CROCC: variants seen among roughly 807,000 people sequenced by gnomAD.
CROCC encodes the protein ciliary rootlet coiled-coil, rootletin.
In CROCC, 180 loss-of-function variants were observed where a neutral mutation model predicts 245.2. That is an observed-to-expected ratio of 0.73 (90% CI 0.65 to 0.83). The LOEUF (loss-of-function observed/expected upper bound fraction) is 0.83. Ranked by LOEUF, CROCC falls within the 40% of genes least tolerant of loss-of-function variation. CROCC has a pLI of 0.00. For missense variants in CROCC, 2,688 were observed against 2,779.4 expected (o/e 0.97, Z 0.74); for synonymous variants, 1,205 against 1,241.6 (o/e 0.97, Z 0.62).
intron 20 of CROCC, chr1:16,951,844 G>A (rs2076165032): frequency 6.3e-6 from 1 of 158,148 alleles, no homozygotes; most frequent in Non-Finnish European, 1.4e-5. Context: ...GCCTTGGGTG[G>A]TTGTTACCAC....
chr1:16,963,625 G>A (rs1228716189), intron 27 of CROCC, among the ~76,000 whole-genome samples: 5 of 152,030 alleles, frequency 3.3e-5, no homozygotes, highest in Admixed American at 1.3e-4. Flanking sequence ...GGCAGGACCC[G>A]TGTCCTGCAG....
intron 1 of CROCC, among the ~76,000 whole-genome samples, chr1:16,916,440 T>C (rs1309041775): frequency 6.6e-6 from 1 of 152,264 alleles, no homozygotes; most frequent in Non-Finnish European, 1.5e-5. Flanking sequence ...GCTTATATAA[T>C]ACACATCGGC....
rs538550292 is a variant in CROCC at position 16,939,027 on chromosome 1, G to A, written c.1493G>A (p.Arg498His). Residue 498 changes from arginine (R) to histidine (H), a missense_variant, in exon 12 of 37, where the codon CGC becomes CAC. Arg to His is a conservative substitution (Grantham distance 29). Transcript: ENST00000375541. ...SGQRTPSPPR[R>H]SSPGRGRSPR... ...CAGCGGACCCCGTCCCCACCGCGGC[G>A]CTCCTCGCCCGGCCGAGGCCGTTCA... 208 of 1,597,618 alleles carry A rather than the reference G, an allele frequency of 1.3e-4. 1 individual carries two copies. In the South Asian group the frequency reaches 2.2e-3, roughly 17 times the overall value.
rs566600825 is a variant in CROCC, at chr1:16,946,827, C to A, written c.2350C>A (p.Arg784=). The A allele has an allele frequency of 2.6e-6, 4 of 1,553,542 alleles. No individual in the cohort carries two copies. The highest frequency in any genetic ancestry group is 8.7e-7 in the Non-Finnish European group (1 of 1,148,240). The part of the protein sequence containing the change: ...RQAEQEATVA[R]EEQERLEELR... ...GGCAGAGCAGGAGGCCACAGTGGCG[C>A]GGGAAGAGCAGGAACGGCTAGAGGA... Residue 784 remains arginine, a synonymous_variant, in exon 17 of 37, where the codon CGG becomes AGG. Transcript: ENST00000375541.
rs1216456773 is a variant in CROCC, at chr1:16,961,068, G to A, written c.4343G>A (p.Arg1448His). 2.2e-6 allele frequency: 3 copies of A among 1,343,242 alleles called. No homozygotes were observed. The highest frequency in any genetic ancestry group is 3.6e-5 in the Admixed American group (1 of 27,428). 83.2% of individuals were successfully genotyped at this position (1,343,242 alleles called of 1,614,324 possible). A position where few individuals can be genotyped will look rare whatever the true frequency, so the allele number is the denominator to read the frequency against. The part of the protein sequence containing the change: ...SALRRGLGLG[R>H]APSPAPRPVP... Reference sequence around the variant, plus strand: ...CTGCGCCGGGGCCTCGGCCTCGGTCGCGCGCCCAGCCCAGCCCCGCGGCCA... The same window carrying A: ...CTGCGCCGGGGCCTCGGCCTCGGTCACGCGCCCAGCCCAGCCCCGCGGCCA... Residue 1448 changes from arginine (R) to histidine (H), a missense_variant, in exon 27 of 37, where the codon CGC (arginine) becomes CAC (histidine). Arg to His is a conservative substitution (Grantham distance 29). Coordinates refer to ENST00000375541, the MANE Select transcript of CROCC (RefSeq NM_014675.5).
intron 3 of CROCC, among the ~76,000 whole-genome samples, chr1:16,927,201 A>C (rs1257516786): frequency 6.6e-6 from 1 of 152,270 alleles, no homozygotes; most frequent in African/African-American, 2.4e-5. Flanking sequence ...GAATATGCAC[A>C]GTGTTAGCCG....
At chr1:16,968,111 C>T in intron 30 of CROCC, 92 bp from the exon 31 acceptor site, 1 of 1,328,808 alleles carries the variant, frequency 7.5e-7, no homozygotes, top group Admixed American at 2.0e-5. Flanking sequence ...TTCGAGGCTG[C>T]TCCCCACTTT....
At chr1:16,937,934 G>A (rs1268702225) in intron 10 of CROCC, among the ~76,000 whole-genome samples, 197 bp downstream of exon 10, 1 of 152,274 alleles carries the variant, frequency 6.6e-6, no homozygotes, top group Non-Finnish European at 1.5e-5. Flanking sequence ...CAGCCCTGTA[G>A]CATAATCCTC....
Position 16,972,362 on chromosome 1 carries a change from G to T in CROCC, c.5970G>T (p.Val1990=). 6.2e-7 allele frequency: 1 copy of T among 1,613,912 alleles called. No individual in the cohort carries two copies. Among genetic ancestry groups the T allele is most frequent in the Non-Finnish European group, 8.5e-7 (1 of 1,179,850 alleles). The change falls in exon 37 of 37, where the codon GTG becomes GTT. Residue 1990 remains valine, a splice_region_variant and synonymous_variant. Coordinates refer to ENST00000375541, the MANE Select transcript of CROCC (RefSeq NM_014675.5). ...RQRVRGLEEQ[V]STLKGQLQQE... is the part of the protein sequence containing the mutation. ...CTTACCTTCCCTTTCTTCCCCAGGT[G>T]TCCACACTGAAGGGCCAGCTGCAGC... is the stretch of plus-strand genomic sequence containing the variant.
At position 16,946,939 on chromosome 1, in the gene CROCC, A is replaced by T. The variant is rs1401218079; in HGVS notation, c.2462A>T (p.Gln821Leu). Residue 821 changes from glutamine to leucine, a missense_variant, in exon 17 of 37, where the codon CAG becomes CTG. This residue lies in a region of CROCC where 295 missense variants were observed against 241.7 expected (regional missense o/e 1.22). Transcript: ENST00000375541. The part of the protein sequence containing the change: ...AEQAQEALEQ[Q>L]LPTLRHERSQ... ...CAGGCCCAGGAGGCATTGGAGCAGC[A>T]GCTCCCCACGCTGCGCCATGAGCGC... 3 of 1,561,436 alleles carry T rather than the reference A, an allele frequency of 1.9e-6. No homozygotes were observed. The highest frequency in any genetic ancestry group is 1.9e-5 in the Admixed American group (1 of 52,080).
In CROCC at chr1:16,944,210, G is replaced by T. The variant is rs373111310; in HGVS notation, c.1919G>T (p.Arg640Leu). The T allele has an allele frequency of 1.3e-6, 2 of 1,555,074 alleles. No homozygotes were observed. Among genetic ancestry groups the T allele is most frequent in the African/African-American group, 2.7e-5 (2 of 73,668 alleles). ...GCCCAGGAGGAGCTGCGGCGCCAGCGGGACCGGCTGGAGGAAGAGCAGGAG... is the reference window on the plus strand; with the variant it reads ...GCCCAGGAGGAGCTGCGGCGCCAGCTGGACCGGCTGGAGGAAGAGCAGGAG... The part of the protein sequence containing the change: ...QAAQEELRRQ[R>L]DRLEEEQEDA... The change falls in exon 14 of 37, where the codon CGG (arginine) becomes CTG (leucine). Residue 640 changes from arginine (R) to leucine (L), a missense_variant. Physicochemically the swap from Arg to Leu is moderately radical, Grantham distance 102. Coordinates refer to ENST00000375541, the MANE Select transcript of CROCC (RefSeq NM_014675.5).
At chr1:16,929,052 C>T (rs1484348528) in intron 3 of CROCC, among the ~76,000 whole-genome samples, 2 of 152,198 alleles carry the variant, frequency 1.3e-5, no homozygotes, top group Non-Finnish European at 2.9e-5. Flanking sequence ...GTCTTGAACC[C>T]CTGACTTCAA....
At chr1:16,934,860 C>G (rs11203442) in intron 8 of CROCC, among the ~76,000 whole-genome samples, 121 of 149,630 alleles carry the variant, frequency 8.1e-4, no homozygotes, top group African/African-American at 2.6e-3. Flanking sequence ...TTTTGGCCAC[C>G]AAGTTACCAT....
At chr1:16,969,976 G>C (rs766186279) in intron 33 of CROCC, 42 bp downstream of exon 33, 2 of 1,539,860 alleles carry the variant, frequency 1.3e-6, no homozygotes, top group Non-Finnish European at 1.7e-6. Flanking sequence ...AAGACTGTGA[G>C]GCCCTAGGAT....
Position 16,930,410 on chromosome 1 carries a change from T to A in CROCC, c.684-19T>A, listed in dbSNP as rs2075644620. 1 of 1,611,278 alleles carries A rather than the reference T, an allele frequency of 6.2e-7. No homozygotes were observed. The highest frequency in any genetic ancestry group is 1.1e-5 in the South Asian group (1 of 90,856). On this transcript the variant is annotated intron_variant, in intron 6 of 36. Coordinates refer to ENST00000375541, the MANE Select transcript of CROCC (RefSeq NM_014675.5). ...GGCCCCCTGCGCGAGCGCCTACTGATCCCCTGTGCCCCATTCAGGAGTGCC... is the reference window on the plus strand; with the variant it reads ...GGCCCCCTGCGCGAGCGCCTACTGAACCCCTGTGCCCCATTCAGGAGTGCC...
chr1:16,954,465 C>A lies in CROCC; in HGVS notation c.3321+108C>A, dbSNP rs2076215918. ...GCCCTGTCCTGGAGAAGCTTCCAGGCTGTGGGAAAGGAGGTTTAGCCCTTC... is the reference window on the plus strand; with the variant it reads ...GCCCTGTCCTGGAGAAGCTTCCAGGATGTGGGAAAGGAGGTTTAGCCCTTC... On this transcript the variant is annotated intron_variant, in intron 22 of 36. Coordinates refer to ENST00000375541, the MANE Select transcript of CROCC (RefSeq NM_014675.5). This position sits in a 1 kb window ranked among gnomAD's most constrained non-coding sequence, Gnocchi z 4.4. The A allele has an allele frequency of 7.0e-7, 1 of 1,432,626 alleles. No homozygotes were observed. Among genetic ancestry groups the A allele is most frequent in the Non-Finnish European group, 9.4e-7 (1 of 1,067,960 alleles). The allele number at this position is 1,432,626 out of a possible 1,614,324, so 88.7% of individuals were successfully genotyped here.
In CROCC at chr1:16,946,994, G is replaced by A. The variant is rs2076064119; in HGVS notation, c.2514+3G>A. On this transcript the variant is annotated splice_donor_region_variant and intron_variant, in intron 17 of 36. Transcript: ENST00000375541. ...AGCTGCAGGAGCAGCTAGCGCAGGT[G>A]GGCAAAGCTGTGTGTGGGGGTGGTG... 1 of 1,548,982 alleles carries A rather than the reference G, an allele frequency of 6.5e-7. No individual in the cohort carries two copies. The highest frequency in any genetic ancestry group is 8.7e-7 in the Non-Finnish European group (1 of 1,146,934).
intron 1 of CROCC, 107 bp downstream of exon 1, chr1:16,922,185 TG>T: frequency 8.7e-7 from 1 of 1,144,490 alleles, no homozygotes; most frequent in Non-Finnish European, 1.2e-6. Context: ...GGGAGAGGTG[TG>T]GTGGTGGTGG....
At chr1:16,914,938 C>T (rs1294243096) in intron 1 of CROCC, among the ~76,000 whole-genome samples, 1 of 152,238 alleles carries the variant, frequency 6.6e-6, no homozygotes, top group Non-Finnish European at 1.5e-5. Flanking sequence ...TGTTTTCTTT[C>T]GCTGGGCTCA....
Sources: allele counts gnomAD v4.1 joint callset (sites outside exome capture counted in the v4.1 genomes callset), GRCh38; gene constraint gnomAD v4.1.1; regional missense constraint gnomAD v4.1.1; non-coding constraint Gnocchi (gnomAD v3.1); transcripts MANE v1.5; gene names NCBI Gene and HGNC (gene_info 2026-07-23, HGNC 2026-07-21).